REM2: variants seen among roughly 807,000 people sequenced by gnomAD.
The protein encoded by REM2 is RRAD and GEM like GTPase 2.
REM2 carries 24 observed loss-of-function variants against 24.4 expected under a neutral mutation model. That is an observed-to-expected ratio of 0.98 (90% confidence interval 0.71 to 1.38). The LOEUF (loss-of-function observed/expected upper bound fraction) is 1.38, where lower values mean the gene tolerates loss of function less well. Among genes scored for constraint, REM2 ranks in the 40% most tolerant of loss-of-function variants. The pLI is 0.00. For synonymous variants in REM2, 187 were observed against 198.0 expected (o/e 0.94, Z 0.47); for missense variants, 429 against 467.8 (o/e 0.92, Z 0.77).
At position 22,886,963 on chromosome 14, in the gene REM2, C is replaced by T; in HGVS notation, c.*54C>T. On this transcript the variant is annotated 3_prime_UTR_variant, in exon 5 of 5. Transcript: ENST00000267396. The surrounding 1 kb of genome is among the most constrained non-coding windows in gnomAD (Gnocchi z 5.9). ...CCATGGTCACCGCGCCCTCCGCTCG[C>T]CCCCCCTCGCCCCGCCCCGCCCCCG... is the stretch of plus-strand genomic sequence containing the variant. 7.7e-7 allele frequency: 1 copy of T among 1,300,448 alleles called. No individual in the cohort carries two copies. Among genetic ancestry groups the T allele is most frequent in the Non-Finnish European group, 1.0e-6 (1 of 991,920 alleles). The allele number at this position is 1,300,448 out of a possible 1,614,324, so 80.6% of individuals were successfully genotyped here. A position where few individuals can be genotyped will look rare whatever the true frequency, so the allele number is the denominator to read the frequency against.
rs1193261434 is a variant in REM2, at chr14:22,885,877, G to A, written c.520-147G>A. ...TCTTCCGCCTCCACAAACACTCTGGGTAGGGAGATTCTGCCATTAACTAGC... is the reference window on the plus strand; with the variant it reads ...TCTTCCGCCTCCACAAACACTCTGGATAGGGAGATTCTGCCATTAACTAGC... On this transcript the variant is annotated intron_variant, in intron 3 of 4. Transcript: ENST00000267396. 8 of 638,090 alleles carry A rather than the reference G, an allele frequency of 1.3e-5. No individual in the cohort carries two copies. In the African/African-American group the frequency reaches 1.5e-4, roughly 12 times the overall value. 39.5% of individuals were successfully genotyped at this position (638,090 alleles called of 1,614,324 possible).
rs1225995068 is a variant in REM2, at chr14:22,886,791, C to T, written c.905C>T (p.Pro302Leu). The change falls in exon 5 of 5, where the codon CCT becomes CTT. Residue 302 changes from proline to leucine, a missense_variant. Coordinates refer to ENST00000267396, the MANE Select transcript of REM2 (RefSeq NM_173527.3). This position sits in a 1 kb window ranked among gnomAD's most constrained non-coding sequence, Gnocchi z 5.9. ...GGCAGCCCCGAGGGCCCTGCGCCAC[C>T]TGCACGCCGCGAGAGCCTCACCAAG... is the stretch of plus-strand genomic sequence containing the variant. ...DPGSPEGPAP[P>L]ARRESLTKKA... The T allele has an allele frequency of 2.6e-6, 4 of 1,548,932 alleles. No individual in the cohort carries two copies. Among genetic ancestry groups the T allele is most frequent in the Non-Finnish European group, 3.5e-6 (4 of 1,146,360 alleles).
intron 3 of REM2, among the ~76,000 whole-genome samples, 191 bp downstream of exon 3, chr14:22,885,530 T>C (rs2040117203): frequency 6.6e-6 from 1 of 152,160 alleles, no homozygotes; most frequent in African/African-American, 2.4e-5. Context: ...CCACAGTCTT[T>C]CCAGGATCTT....
intron 2 of REM2, 76 bp downstream of exon 2, chr14:22,885,091 C>T (rs2040110677): frequency 1.4e-6 from 2 of 1,454,008 alleles, no homozygotes; most frequent in East Asian, 2.3e-5. Flanking sequence ...GTGACCTGAG[C>T]AGCCCCTGAA....
Position 22,886,742 on chromosome 14 carries a change from G to A in REM2, c.856G>A (p.Ala286Thr). The A allele has an allele frequency of 6.5e-7, 1 of 1,532,342 alleles. No homozygotes were observed. The highest frequency in any genetic ancestry group is 8.8e-7 in the Non-Finnish European group (1 of 1,140,118). 94.9% of individuals were successfully genotyped at this position (1,532,342 alleles called of 1,614,324 possible). ...CCGGCTGCGGCGGGGCCGAAACCAC[G>A]CCGGAGGCCAGAGGCCCGATCCGGG... ...QIRLRRGRNH[A>T]GGQRPDPGSP... The change falls in exon 5 of 5, where the codon GCC (alanine) becomes ACC (threonine). Residue 286 changes from alanine to threonine, a missense_variant. By Grantham distance (58) the Ala-to-Thr change is moderately conservative. Coordinates refer to ENST00000267396, the MANE Select transcript of REM2 (RefSeq NM_173527.3). This position sits in a 1 kb window ranked among gnomAD's most constrained non-coding sequence, Gnocchi z 5.9.
intron 2 of REM2, 62 bp downstream of exon 2, chr14:22,885,077 G>A: frequency 6.8e-7 from 1 of 1,479,512 alleles, no homozygotes. Context: ...GGAAGGAAGT[G>A]CTCGTGACCT....
chr14:22,886,885 G>A lies in REM2; in HGVS notation c.999G>A (p.Ser333=), dbSNP rs1381166141. Residue 333 remains serine, a synonymous_variant, in exon 5 of 5, where the codon TCG becomes TCA. Transcript: ENST00000267396. This position sits in a 1 kb window ranked among gnomAD's most constrained non-coding sequence, Gnocchi z 5.9. ...NAKFFKQRSR[S]CHDLSVL ...AGTTCTTCAAGCAGCGCTCCAGGTC[G>A]TGTCACGACCTCTCGGTGCTCTGAG... 7 of 1,530,732 alleles carry A rather than the reference G, an allele frequency of 4.6e-6. No individual in the cohort carries two copies. In the Admixed American group the frequency reaches 1.4e-4, roughly 32 times the overall value. The allele number at this position is 1,530,732 out of a possible 1,614,324, so 94.8% of individuals were successfully genotyped here. A position where few individuals can be genotyped will look rare whatever the true frequency, so the allele number is the denominator to read the frequency against.
rs1487428817 is a variant in REM2 at position 22,886,572 on chromosome 14, C to G, written c.728-42C>G. On this transcript the variant is annotated intron_variant, in intron 4 of 4. Transcript: ENST00000267396. The surrounding 1 kb of genome is among the most constrained non-coding windows in gnomAD (Gnocchi z 5.9). ...CCTAGACCCACCCTCGCCCCGGGTCCCGTACAGCCCAGCGGGCGCCTGAGC... is the reference window on the plus strand; with the variant it reads ...CCTAGACCCACCCTCGCCCCGGGTCGCGTACAGCCCAGCGGGCGCCTGAGC... 6.9e-7 allele frequency: 1 copy of G among 1,440,680 alleles called. No individual in the cohort carries two copies. The highest frequency in any genetic ancestry group is 9.1e-7 in the Non-Finnish European group (1 of 1,096,642). The allele number at this position is 1,440,680 out of a possible 1,614,324, so 89.2% of individuals were successfully genotyped here. A position where few individuals can be genotyped will look rare whatever the true frequency, so the allele number is the denominator to read the frequency against.
At chr14:22,884,049 C>T (rs867384677) in intron 1 of REM2, 12 of 985,138 alleles carry the variant, frequency 1.2e-5, no homozygotes, top group South Asian at 9.4e-5. Context: ...TACAGGGCCA[C>T]GGGAAGCAGC....
Position 22,883,324 on chromosome 14 carries a change from A to T in REM2, c.37A>T (p.Thr13Ser). The T allele has an allele frequency of 6.4e-7, 1 of 1,561,908 alleles. No individual in the cohort carries two copies. Among genetic ancestry groups the T allele is most frequent in the Non-Finnish European group, 8.7e-7 (1 of 1,153,498 alleles). Reference protein sequence around the residue: ...TDLDTDMDMDTETTALCPSGS... With the variant: ...TDLDTDMDMDSETTALCPSGS... ...CCTGGACACAGACATGGACATGGACACAGAAACCACAGCACTCTGCCCCTC... is the reference window on the plus strand; with the variant it reads ...CCTGGACACAGACATGGACATGGACTCAGAAACCACAGCACTCTGCCCCTC... The change falls in exon 1 of 5, where the codon ACA (threonine) becomes TCA (serine). Residue 13 changes from threonine (T) to serine (S), a missense_variant. Coordinates refer to ENST00000267396, the MANE Select transcript of REM2 (RefSeq NM_173527.3).
At chr14:22,884,120 C>A in intron 1 of REM2, 1 of 985,316 alleles carries the variant, frequency 1.0e-6, no homozygotes, top group Middle Eastern at 5.2e-4. Flanking sequence ...GCACGCACAT[C>A]ATCTCAAAAA....
At chr14:22,883,926 AT>A (rs1380754868) in intron 1 of REM2, among the ~76,000 whole-genome samples, 22 of 135,724 alleles carry the variant, frequency 1.6e-4, no homozygotes, top group South Asian at 9.7e-4. Flanking sequence ...CACACACACT[AT>A]CTCTCTCTCT....
In REM2 at chr14:22,886,958, G is replaced by C. The variant is rs1347734100; in HGVS notation, c.*49G>C. Reference sequence around the variant, plus strand: ...GGTCGCCATGGTCACCGCGCCCTCCGCTCGCCCCCCCTCGCCCCGCCCCGC... The same window carrying C: ...GGTCGCCATGGTCACCGCGCCCTCCCCTCGCCCCCCCTCGCCCCGCCCCGC... On this transcript the variant is annotated 3_prime_UTR_variant, in exon 5 of 5. Transcript: ENST00000267396. This position sits in a 1 kb window ranked among gnomAD's most constrained non-coding sequence, Gnocchi z 5.9. 2 of 1,333,150 alleles carry C rather than the reference G, an allele frequency of 1.5e-6. No individual in the cohort carries two copies. Among genetic ancestry groups the C allele is most frequent in the African/African-American group, 1.6e-5 (1 of 64,396 alleles). 82.6% of individuals were successfully genotyped at this position (1,333,150 alleles called of 1,614,324 possible). A position where few individuals can be genotyped will look rare whatever the true frequency, so the allele number is the denominator to read the frequency against.
At chr14:22,883,490 A>T (rs2040088024) in intron 1 of REM2, 100 bp downstream of exon 1, 1 of 1,015,722 alleles carries the variant, frequency 9.8e-7, no homozygotes, top group Non-Finnish European at 1.5e-6. Flanking sequence ...GCTTGAGCTC[A>T]GTCAGCAAGA....
chr14:22,885,976 C>A, intron 3 of REM2, 48 bp from the exon 4 acceptor site: 1 of 1,495,524 alleles, frequency 6.7e-7, no homozygotes, highest in Non-Finnish European at 9.3e-7. Context: ...AGGTGCTGGA[C>A]AGGATCTCCT....
Position 22,886,101 on chromosome 14 carries a change from C to CCGA in REM2, c.600_602dup (p.Arg201dup). The stretch of plus-strand genomic sequence containing the variant: ...TTCTCATCGTCTTCTCAGTCACCGA[C>CCGA]CGACGGAGTTTCTCCAAAGTTCCAG... On this transcript the variant is annotated inframe_insertion, in exon 4 of 5. Transcript: ENST00000267396. The surrounding 1 kb of genome is among the most constrained non-coding windows in gnomAD (Gnocchi z 5.9). The CCGA allele has an allele frequency of 6.2e-7, 1 of 1,613,998 alleles. No homozygotes were observed. Among genetic ancestry groups the CCGA allele is most frequent in the Non-Finnish European group, 8.5e-7 (1 of 1,179,890 alleles).
In REM2 at chr14:22,886,164, C is replaced by A; in HGVS notation, c.660C>A (p.His220Gln). 1.2e-6 allele frequency: 2 copies of A among 1,613,982 alleles called. No individual in the cohort carries two copies. The highest frequency in any genetic ancestry group is 1.7e-6 in the Non-Finnish European group (2 of 1,179,884). ...GGCTCCGGGCTGGGAGGCCGCACCA[C>A]GACCTACCCGTTATCCTCGTTGGAA... ...LLRLRAGRPH[H>Q]DLPVILVGNK... The change falls in exon 4 of 5, where the codon CAC (histidine) becomes CAA (glutamine). Residue 220 changes from histidine (H) to glutamine (Q), a missense_variant. Transcript: ENST00000267396. This position sits in a 1 kb window ranked among gnomAD's most constrained non-coding sequence, Gnocchi z 5.9.
Position 22,883,255 on chromosome 14 carries a change from TGCACACGCACAC to T in REM2, c.-14_-3del, listed in dbSNP as rs72363604. 0.088 allele frequency: 102,622 copies of T among 1,165,270 alleles called. 5,064 individuals carry two copies. Among genetic ancestry groups the T allele is most frequent in the Non-Finnish European group, 0.11 (85,819 of 795,622 alleles). 72.2% of individuals were successfully genotyped at this position (1,165,270 alleles called of 1,614,324 possible). ...GAGAGGGTGCTGCGAGCTGCTGGGC[TGCACACGCACAC>T]GCACACGCACACGCACACTGATGCA... is the stretch of plus-strand genomic sequence containing the variant. On this transcript the variant is annotated 5_prime_UTR_variant, in exon 1 of 5. Coordinates refer to ENST00000267396, the MANE Select transcript of REM2 (RefSeq NM_173527.3).
chr14:22,886,756 G>T lies in REM2; in HGVS notation c.870G>T (p.Arg290Ser). ...RRGRNHAGGQ[R>S]PDPGSPEGPA... ...GCCGAAACCACGCCGGAGGCCAGAG[G>T]CCCGATCCGGGCAGCCCCGAGGGCC... is the stretch of plus-strand genomic sequence containing the variant. The change falls in exon 5 of 5, where the codon AGG becomes AGT. Residue 290 changes from arginine (R) to serine (S), a missense_variant. Arg to Ser is a moderately radical substitution (Grantham distance 110). Transcript: ENST00000267396. This position sits in a 1 kb window ranked among gnomAD's most constrained non-coding sequence, Gnocchi z 5.9. 6.5e-7 allele frequency: 1 copy of T among 1,544,818 alleles called. No homozygotes were observed. Among genetic ancestry groups the T allele is most frequent in the South Asian group, 1.2e-5 (1 of 83,776 alleles).
Sources: gnomAD v4.1 joint callset for allele counts (sites outside exome capture counted in the v4.1 genomes callset) on GRCh38, gnomAD v4.1.1 for gene constraint, Gnocchi (gnomAD v3.1) non-coding constraint, MANE v1.5 for transcripts, NCBI Gene and HGNC (gene_info 2026-07-23, HGNC 2026-07-21) for gene names.